ANGPTL2: variants seen among roughly 807,000 people sequenced by gnomAD.
The protein encoded by ANGPTL2 is angiopoietin like 2.
ANGPTL2 carries 25 observed loss-of-function variants against 52.8 expected under a neutral mutation model. The observed-to-expected ratio is 0.47, with a 90% CI of 0.35 to 0.66. The LOEUF (loss-of-function observed/expected upper bound fraction) is 0.66, where lower values mean the gene tolerates loss of function less well. Among genes scored for constraint, ANGPTL2 ranks in the 30% least tolerant of loss-of-function variants. ANGPTL2 has a pLI of 0.01. For synonymous variants in ANGPTL2, 276 were observed against 277.4 expected, an observed-to-expected ratio of 1.00 and a Z score of 0.05; for missense variants, 546 against 656.9, an observed-to-expected ratio of 0.83 and a Z score of 1.84.
intron 1 of ANGPTL2, among the ~76,000 whole-genome samples, chr9:127,112,367 C>A (rs2054916593): frequency 6.6e-6 from 1 of 152,242 alleles, no homozygotes; most frequent in Admixed American, 6.5e-5. Flanking sequence ...GGCAGGCCTG[C>A]TGGGCCAACG....
chr9:127,105,771 C>G (rs1222670097), intron 2 of ANGPTL2, among the ~76,000 whole-genome samples: 2 of 152,152 alleles, frequency 1.3e-5, no homozygotes, highest in Non-Finnish European at 2.9e-5. Context: ...TGGACGGATC[C>G]CAGATGCATT....
In ANGPTL2 at chr9:127,108,179, G is replaced by A; in HGVS notation, c.553C>T (p.His185Tyr). 6.2e-7 allele frequency: 1 copy of A among 1,614,112 alleles called. No individual in the cohort carries two copies. The highest frequency in any genetic ancestry group is 2.2e-5 in the East Asian group (1 of 44,860). ...KYKDLEHKYQ[H>Y]LATLAHNQSE... Reference sequence around the variant, plus strand: ...TGGTTGTGGGCCAGTGTGGCCAGGTGCTGGTACTTGTGCTCCAGGTCCTTG... The same window carrying A: ...TGGTTGTGGGCCAGTGTGGCCAGGTACTGGTACTTGTGCTCCAGGTCCTTG... Residue 185 changes from histidine (H) to tyrosine (Y), a missense_variant, in exon 2 of 5, where the codon CAC becomes TAC. His to Tyr is a moderately conservative substitution (Grantham distance 83). Transcript: ENST00000373425.
chr9:127,107,401 C>A (rs2054322622), intron 2 of ANGPTL2, among the ~76,000 whole-genome samples: 1 of 152,216 alleles, frequency 6.6e-6, no homozygotes, highest in African/African-American at 2.4e-5. Flanking sequence ...CAGCAGCAGA[C>A]TCTAGGAAGT....
intron 1 of ANGPTL2, among the ~76,000 whole-genome samples, chr9:127,115,178 G>A (rs899435993): frequency 2.1e-4 from 32 of 151,478 alleles, no homozygotes; most frequent in African/African-American, 6.4e-4. Flanking sequence ...GTTGTCTTAC[G>A]TAATTATTAT....
chr9:127,118,833 T>C (rs557948268), intron 1 of ANGPTL2, among the ~76,000 whole-genome samples: 6 of 152,360 alleles, frequency 3.9e-5, no homozygotes, highest in Non-Finnish European at 7.3e-5. Context: ...AGTTGCTGAA[T>C]GTACCTGCTT....
At position 127,091,625 on chromosome 9, in the gene ANGPTL2, C is replaced by G. The variant is rs2052486054; in HGVS notation, c.1282+45G>C. The G allele has an allele frequency of 6.3e-7, 1 of 1,590,224 alleles. No homozygotes were observed. The highest frequency in any genetic ancestry group is 1.7e-5 in the Admixed American group (1 of 58,978). Reference sequence around the variant, plus strand: ...GTCAGGGGCTCTGGCTCTGGTTGACCTCTTTTCCCTACCCTGCACCTGGGT... The same window carrying G: ...GTCAGGGGCTCTGGCTCTGGTTGACGTCTTTTCCCTACCCTGCACCTGGGT... On this transcript the variant is annotated intron_variant, in intron 4 of 4. Transcript: ENST00000373425. This position sits in a 1 kb window ranked among gnomAD's most constrained non-coding sequence, Gnocchi z 4.3.
At chr9:127,093,957 G>T (rs762929859) in intron 2 of ANGPTL2, 31 bp from the exon 3 acceptor site, 2 of 1,601,384 alleles carry the variant, frequency 1.2e-6, no homozygotes, top group South Asian at 1.1e-5. Context: ...ATACATCACA[G>T]ACCTGCCTGT....
intron 1 of ANGPTL2, among the ~76,000 whole-genome samples, chr9:127,120,923 C>T (rs1229889947): frequency 1.3e-5 from 2 of 152,072 alleles, no homozygotes; most frequent in Admixed American, 1.3e-4. Context: ...CCAAGGTTTG[C>T]TCAGGGTTTG....
At chr9:127,119,421 G>C (rs577792648) in intron 1 of ANGPTL2, among the ~76,000 whole-genome samples, 2 of 152,300 alleles carry the variant, frequency 1.3e-5, no homozygotes, top group East Asian at 3.9e-4. Context: ...GAGAAGTTGA[G>C]GTGTCTAAAC....
intron 2 of ANGPTL2, among the ~76,000 whole-genome samples, chr9:127,104,996 A>G (rs2054081406): frequency 6.6e-6 from 1 of 152,130 alleles, no homozygotes; most frequent in Admixed American, 6.5e-5. Flanking sequence ...TTCCGTGCAG[A>G]GAGACCATCT....
intron 2 of ANGPTL2, among the ~76,000 whole-genome samples, chr9:127,095,955 T>G (rs557551510): frequency 1.3e-5 from 2 of 152,294 alleles, no homozygotes; most frequent in East Asian, 3.9e-4. Context: ...TAAGAAAGAT[T>G]GGTTTGGGTG....
Position 127,089,109 on chromosome 9 carries a change from A to G in ANGPTL2, c.1312T>C (p.Trp438Arg). 6.2e-7 allele frequency: 1 copy of G among 1,614,222 alleles called. No homozygotes were observed. The change falls in exon 5 of 5, where the codon TGG (tryptophan) becomes CGG (arginine). Residue 438 changes from tryptophan (W) to arginine (R), a missense_variant. This residue lies in a region of ANGPTL2 where 261 missense variants were observed against 361.0 expected (regional missense o/e 0.72). Coordinates refer to ENST00000373425, the MANE Select transcript of ANGPTL2 (RefSeq NM_012098.3). ...GNCAHYQKGGWWYNACAHSNL... is the reference protein window; with the variant it reads ...GNCAHYQKGGRWYNACAHSNL... ...GAGTGGGCACAGGCGTTATACCACCAGCCTCCCTTCTGGTAGTGGGCACAG... is the reference window on the plus strand; with the variant it reads ...GAGTGGGCACAGGCGTTATACCACCGGCCTCCCTTCTGGTAGTGGGCACAG...
At chr9:127,098,279 A>G (rs998527961) in intron 2 of ANGPTL2, among the ~76,000 whole-genome samples, 1 of 152,244 alleles carries the variant, frequency 6.6e-6, no homozygotes, top group African/African-American at 2.4e-5. Context: ...CCTTTGGACC[A>G]GTGCAGAGTA....
At position 127,088,804 on chromosome 9, in the gene ANGPTL2, C is replaced by T. The variant is rs937850725; in HGVS notation, c.*135G>A. 18 of 1,040,560 alleles carry T rather than the reference C, an allele frequency of 1.7e-5. No homozygotes were observed. The highest frequency in any genetic ancestry group is 6.4e-5 in the African/African-American group (4 of 62,890). 64.5% of individuals were successfully genotyped at this position (1,040,560 alleles called of 1,614,324 possible). ...GTTCCATCATCCGCTGCAGTGACTTCGGAAAACAGAATCCAGCATCCCGGT... is the reference window on the plus strand; with the variant it reads ...GTTCCATCATCCGCTGCAGTGACTTTGGAAAACAGAATCCAGCATCCCGGT... On this transcript the variant is annotated 3_prime_UTR_variant, in exon 5 of 5. Coordinates refer to ENST00000373425, the MANE Select transcript of ANGPTL2 (RefSeq NM_012098.3).
chr9:127,094,066 G>T (rs2052823259), intron 2 of ANGPTL2, 140 bp from the exon 3 acceptor site: 2 of 840,682 alleles, frequency 2.4e-6, no homozygotes, highest in African/African-American at 1.7e-5. Context: ...ACCAATTTTT[G>T]TTTTGCGAGT....
In ANGPTL2 at chr9:127,091,927, T is replaced by C; in HGVS notation, c.1025A>G (p.Asn342Ser). The C allele has an allele frequency of 3.1e-6, 5 of 1,613,906 alleles. No homozygotes were observed. Among genetic ancestry groups the C allele is most frequent in the Non-Finnish European group, 3.4e-6 (4 of 1,179,882 alleles). The stretch of plus-strand genomic sequence containing the variant: ...GCCCAGCCAGTATTCGCCGTCAATG[T>C]TCCCAAACCCTTGCTGGGGAAAACC... ...NWETYKQGFG[N>S]IDGEYWLGLE... is the part of the protein sequence containing the mutation. The change falls in exon 4 of 5, where the codon AAC becomes AGC. Residue 342 changes from asparagine (N) to serine (S), a missense_variant. Physicochemically the swap from Asn to Ser is conservative, Grantham distance 46 (BLOSUM62 1). Transcript: ENST00000373425. The surrounding 1 kb of genome is among the most constrained non-coding windows in gnomAD (Gnocchi z 4.3).
chr9:127,110,091 G>C (rs1427488959), intron 1 of ANGPTL2, among the ~76,000 whole-genome samples: 1 of 152,026 alleles, frequency 6.6e-6, no homozygotes, highest in South Asian at 2.1e-4. Flanking sequence ...GCATTTCTCT[G>C]CTCCCCTTTT....
intron 1 of ANGPTL2, among the ~76,000 whole-genome samples, chr9:127,117,553 T>A (rs1244281305): frequency 6.6e-6 from 1 of 152,152 alleles, no homozygotes; most frequent in Non-Finnish European, 1.5e-5. Context: ...TGCAAAGAGA[T>A]CCATGCCCAG....
Position 127,088,696 on chromosome 9 carries a change from G to A in ANGPTL2, c.*243C>T. 1.8e-6 allele frequency: 1 copy of A among 557,330 alleles called. No homozygotes were observed. The highest frequency in any genetic ancestry group is 3.2e-6 in the Non-Finnish European group (1 of 312,746). 34.5% of individuals were successfully genotyped at this position (557,330 alleles called of 1,614,324 possible). A position where few individuals can be genotyped will look rare whatever the true frequency, so the allele number is the denominator to read the frequency against. ...AATTTATTTAAAGAAAGAGTTGTCT[G>A]TAGTCCTGTCCTGTCCTGGAGACAT... On this transcript the variant is annotated 3_prime_UTR_variant, in exon 5 of 5. Transcript: ENST00000373425.
Sources: gnomAD v4.1 joint callset for allele counts (sites outside exome capture counted in the v4.1 genomes callset) on GRCh38, gnomAD v4.1.1 for gene constraint, gnomAD v4.1.1 regional missense constraint, Gnocchi (gnomAD v3.1) non-coding constraint, MANE v1.5 for transcripts, NCBI Gene and HGNC (gene_info 2026-07-23, HGNC 2026-07-21) for gene names.